MED27: variants seen among roughly 807,000 people sequenced by gnomAD.
The protein encoded by MED27 is mediator complex subunit 27.
In MED27, 30 loss-of-function variants were observed where a neutral mutation model predicts 38.2. That is an observed-to-expected ratio of 0.79 (90% confidence interval 0.59 to 1.07). The LOEUF (loss-of-function observed/expected upper bound fraction) is 1.07. MED27 is among the 50% of genes least tolerant of loss of function. MED27 has a pLI of 0.00. For missense variants in MED27, 289 were observed against 397.5 expected (o/e 0.73, Z 2.32); for synonymous variants, 122 against 153.5 (o/e 0.79, Z 1.52).
At chr9:131,980,847 C>G (rs543127829) in intron 3 of MED27, among the ~76,000 whole-genome samples, 66 of 152,156 alleles carry the variant, frequency 4.3e-4, no homozygotes, top group Middle Eastern at 3.4e-3. Flanking sequence ...CCGCAGCAGA[C>G]AGCAGGCAGC....
At chr9:132,011,054 T>C (rs981858116) in intron 3 of MED27, among the ~76,000 whole-genome samples, 2 of 151,812 alleles carry the variant, frequency 1.3e-5, no homozygotes, top group African/African-American at 4.8e-5. Context: ...TAATAAGGAG[T>C]CTTCTATAGA....
Position 131,872,156 on chromosome 9 carries a change from G to T in MED27, c.724-9016C>A, listed in dbSNP as rs562079105. Among the ~76,000 whole-genome samples the T allele has an allele frequency of 2.0e-5, 3 of 150,416 alleles. No individual in the cohort carries two copies. The highest frequency in any genetic ancestry group is 5.0e-5 in the African/African-American group (2 of 39,828). On this transcript the variant is annotated intron_variant, in intron 6 of 7. Transcript: ENST00000292035. This position sits in a 1 kb window ranked among gnomAD's most constrained non-coding sequence, Gnocchi z 5.6. Reference sequence around the variant, plus strand: ...GACCAGGCTGGGGACCAGGACCCAGGAGTTCACAGGCTCCCTGAGATGATT... The same window carrying T: ...GACCAGGCTGGGGACCAGGACCCAGTAGTTCACAGGCTCCCTGAGATGATT...
chr9:131,881,872 C>T (rs1463134725), intron 6 of MED27, among the ~76,000 whole-genome samples: 1 of 139,482 alleles, frequency 7.2e-6, no homozygotes, highest in Non-Finnish European at 1.5e-5. Flanking sequence ...TGGCTCACTG[C>T]AACCTCCCGC....
In MED27 at chr9:131,982,646, G is replaced by A. The variant is rs955806459; in HGVS notation, c.479+31691C>T. On this transcript the variant is annotated intron_variant, in intron 3 of 7. Coordinates refer to ENST00000292035, the MANE Select transcript of MED27 (RefSeq NM_004269.4). This position sits in a 1 kb window ranked among gnomAD's most constrained non-coding sequence, Gnocchi z 4.3. ...GTAACTTGGTCCACAGCTACTGATG[G>A]GGAGGTGGATTTGAACCCAGTCGGT... is the stretch of plus-strand genomic sequence containing the variant. Among the ~76,000 whole-genome samples the A allele has an allele frequency of 6.6e-6, 1 of 152,144 alleles. No individual in the cohort carries two copies. Among genetic ancestry groups the A allele is most frequent in the African/African-American group, 2.4e-5 (1 of 41,424 alleles).
intron 5 of MED27, among the ~76,000 whole-genome samples, chr9:131,885,159 C>T (rs1335650012): frequency 6.6e-6 from 1 of 152,170 alleles, no homozygotes; most frequent in Admixed American, 6.5e-5. Flanking sequence ...TGTTCCATGC[C>T]AGGCACTGCA....
chr9:132,069,029 A>T (rs368772022), intron 2 of MED27, among the ~76,000 whole-genome samples: 4 of 152,250 alleles, frequency 2.6e-5, no homozygotes, highest in Non-Finnish European at 5.9e-5. Flanking sequence ...GCAATTTTGC[A>T]TAAGGACAAA....
rs529930061 is a variant in MED27 at position 131,904,478 on chromosome 9, G to A, written c.574-10486C>T. Among the ~76,000 whole-genome samples the A allele has an allele frequency of 2.6e-5, 4 of 152,014 alleles. No individual in the cohort carries two copies. The East Asian group carries it at 7.7e-4, about 29-fold the overall frequency. On this transcript the variant is annotated intron_variant, in intron 4 of 7. Coordinates refer to ENST00000292035, the MANE Select transcript of MED27 (RefSeq NM_004269.4). ...TACAGTGGTATGATCATAGCTCACTGCAGCCTGGAACTTCTGGACTAATTT... is the reference window on the plus strand; with the variant it reads ...TACAGTGGTATGATCATAGCTCACTACAGCCTGGAACTTCTGGACTAATTT...
chr9:131,948,323 A>C (rs1344086155), intron 3 of MED27, among the ~76,000 whole-genome samples: 2 of 151,982 alleles, frequency 1.3e-5, no homozygotes, highest in Non-Finnish European at 2.9e-5. Flanking sequence ...CATCTCTACT[A>C]AAAATACATA....
chr9:131,904,827 C>T (rs1017783054), intron 4 of MED27, among the ~76,000 whole-genome samples: 6 of 152,218 alleles, frequency 3.9e-5, no homozygotes, highest in Non-Finnish European at 7.3e-5. Context: ...GGAATTTCAA[C>T]ACAGTGGACT....
At chr9:132,046,710 G>A (rs1420657812) in intron 2 of MED27, among the ~76,000 whole-genome samples, 1 of 152,132 alleles carries the variant, frequency 6.6e-6, no homozygotes, top group African/African-American at 2.4e-5. Flanking sequence ...AAAATGTTGA[G>A]GGTAGAGAAA....
rs1191768138 is a variant in MED27, at chr9:131,861,909, G to A, written c.801+1154C>T. ...CTCCCGCTTCAGCCTCCTGAGTGGAGTCACTGGGATTCAAATCTTCCCTAA... is the reference window on the plus strand; with the variant it reads ...CTCCCGCTTCAGCCTCCTGAGTGGAATCACTGGGATTCAAATCTTCCCTAA... On this transcript the variant is annotated intron_variant, in intron 7 of 7. Transcript: ENST00000292035. This position sits in a 1 kb window ranked among gnomAD's most constrained non-coding sequence, Gnocchi z 4.4. Among the ~76,000 whole-genome samples, 1 of 152,118 alleles carries A rather than the reference G, an allele frequency of 6.6e-6. No homozygotes were observed. The highest frequency in any genetic ancestry group is 1.5e-5 in the Non-Finnish European group (1 of 68,040).
chr9:132,015,232 T>C (rs1482950816), intron 2 of MED27, among the ~76,000 whole-genome samples: 3 of 152,190 alleles, frequency 2.0e-5, no homozygotes, highest in Non-Finnish European at 4.4e-5. Context: ...TATAGGCTCA[T>C]TGAAAAGAAT....
rs1830688506 is a variant in MED27, at chr9:131,936,524, C to T, written c.573+2857G>A. 2.6e-5 allele frequency among the ~76,000 whole-genome samples: 4 copies of T among 152,374 alleles called. No homozygotes were observed. The East Asian group carries it at 7.7e-4, about 29-fold the overall frequency. ...GCTGCCAAGGCCTGACTCCCCCATC[C>T]TCTGGGCTCAGGGCAAGGAGCAACT... is the stretch of plus-strand genomic sequence containing the variant. On this transcript the variant is annotated intron_variant, in intron 4 of 7. Transcript: ENST00000292035.
chr9:131,890,312 T>C (rs998144240), intron 5 of MED27, among the ~76,000 whole-genome samples: 1 of 152,158 alleles, frequency 6.6e-6, no homozygotes, highest in African/African-American at 2.4e-5. Context: ...ACTTTTAGGG[T>C]CCCTGCTTAA....
chr9:131,898,848 G>C (rs1829878670), intron 4 of MED27, among the ~76,000 whole-genome samples: 1 of 152,184 alleles, frequency 6.6e-6, no homozygotes, highest in Non-Finnish European at 1.5e-5. Context: ...GCCTCCCAAA[G>C]TGCTGGGATT....
chr9:131,951,687 T>G (rs905722416), intron 3 of MED27, among the ~76,000 whole-genome samples: 2 of 152,262 alleles, frequency 1.3e-5, no homozygotes, highest in South Asian at 4.1e-4. Flanking sequence ...CATAAAGCAC[T>G]TAACACAAAA....
intron 3 of MED27, among the ~76,000 whole-genome samples, chr9:132,000,453 A>T (rs1261310125): frequency 2.6e-5 from 4 of 152,170 alleles, no homozygotes; most frequent in African/African-American, 9.7e-5. Context: ...CAATATCTTT[A>T]AAAAAGTTAA....
At chr9:132,010,557 A>C (rs1312205704) in intron 3 of MED27, among the ~76,000 whole-genome samples, 2 of 152,246 alleles carry the variant, frequency 1.3e-5, no homozygotes, top group East Asian at 3.8e-4. Context: ...ATTATAAGTC[A>C]TGCTGCTATA....
chr9:131,878,991 C>T (rs898807953), intron 6 of MED27, among the ~76,000 whole-genome samples: 15 of 152,164 alleles, frequency 9.9e-5, no homozygotes, highest in African/African-American at 3.6e-4. Context: ...CAAGCTGTCC[C>T]CAGCCCTCTG....
Sources: allele counts gnomAD v4.1 joint callset (sites outside exome capture counted in the v4.1 genomes callset), GRCh38; gene constraint gnomAD v4.1.1; non-coding constraint Gnocchi (gnomAD v3.1); transcripts MANE v1.5; gene names NCBI Gene and HGNC (gene_info 2026-07-23, HGNC 2026-07-21).